FIP1L1: variants seen among roughly 807,000 people sequenced by gnomAD.
The protein encoded by FIP1L1 is factor interacting with PAPOLA and CPSF1.
FIP1L1 carries 21 observed loss-of-function variants against 84.6 expected under a neutral mutation model. The observed-to-expected ratio is 0.25, with a 90% confidence interval of 0.18 to 0.36. FIP1L1 has a LOEUF of 0.36. Among genes scored for constraint, FIP1L1 ranks in the 10% least tolerant of loss-of-function variants. FIP1L1 has a pLI of 1.00. For missense variants in FIP1L1, 526 were observed against 751.1 expected (o/e 0.70, Z 3.50); for synonymous variants, 263 against 242.3 (o/e 1.09, Z -0.80).
intron 10 of FIP1L1, among the ~76,000 whole-genome samples, chr4:53,402,184 T>C (rs546856432): frequency 5.1e-4 from 77 of 152,330 alleles, no homozygotes; most frequent in African/African-American, 1.4e-3. Flanking sequence ...TTGGATTTTA[T>C]TGATGGTCAT....
intron 10 of FIP1L1, among the ~76,000 whole-genome samples, chr4:53,406,680 T>C (rs1374134992): frequency 6.6e-6 from 1 of 152,204 alleles, no homozygotes; most frequent in Non-Finnish European, 1.5e-5. Context: ...ATTGCCACAA[T>C]TTCAGAGCCT....
chr4:53,397,761 G>T (rs1025621122), intron 9 of FIP1L1, among the ~76,000 whole-genome samples: 6 of 152,192 alleles, frequency 3.9e-5, no homozygotes, highest in African/African-American at 1.4e-4. Flanking sequence ...GACATATTGG[G>T]TGTTCATATG....
intron 13 of FIP1L1, among the ~76,000 whole-genome samples, chr4:53,431,978 A>G (rs536422479): frequency 6.6e-6 from 1 of 152,316 alleles, no homozygotes; most frequent in African/African-American, 2.4e-5. Flanking sequence ...ATTTCTGGCC[A>G]TAATAGATTT....
rs114652985 is a variant in FIP1L1 at position 53,416,468 on chromosome 4, A to C, written c.923+1746A>C. On this transcript the variant is annotated intron_variant, in intron 11 of 17. Transcript: ENST00000337488. ...TGGAGCTAGACTGTGTAATTCGGAAAGCCTCTTCAAACCTGAAACTCTTTA... is the reference window on the plus strand; with the variant it reads ...TGGAGCTAGACTGTGTAATTCGGAACGCCTCTTCAAACCTGAAACTCTTTA... Among the ~76,000 whole-genome samples, 147 of 152,352 alleles carry C rather than the reference A, an allele frequency of 9.6e-4. 1 individual carries two copies. The highest frequency in any genetic ancestry group is 3.5e-3 in the African/African-American group (144 of 41,580).
chr4:53,404,660 C>G (rs1752223550), intron 10 of FIP1L1, among the ~76,000 whole-genome samples: 1 of 151,930 alleles, frequency 6.6e-6, no homozygotes, highest in Non-Finnish European at 1.5e-5. Flanking sequence ...TCTCCACATC[C>G]TCTCCAGCAC....
intron 3 of FIP1L1, 44 bp from the exon 4 acceptor site, chr4:53,382,234 G>A (rs369457633): frequency 5.3e-5 from 75 of 1,415,156 alleles, no homozygotes; most frequent in African/African-American, 4.2e-4. Context: ...CTGTACTTCC[G>A]AAAAGTAATG....
intron 10 of FIP1L1, among the ~76,000 whole-genome samples, chr4:53,410,315 A>G (rs1315689960): frequency 6.6e-6 from 1 of 152,236 alleles, no homozygotes; most frequent in Non-Finnish European, 1.5e-5. Flanking sequence ...AATGCCTAAC[A>G]ACTGTAGAAT....
intron 13 of FIP1L1, among the ~76,000 whole-genome samples, chr4:53,429,558 G>A (rs1401290869): frequency 6.6e-6 from 1 of 152,078 alleles, no homozygotes; most frequent in East Asian, 1.9e-4. Flanking sequence ...TTTGATTAAT[G>A]ATACTAAAAA....
chr4:53,453,157 A>G, intron 16 of FIP1L1, 24 bp downstream of exon 16: 4 of 1,609,354 alleles, frequency 2.5e-6, no homozygotes, highest in Non-Finnish European at 3.4e-6. Flanking sequence ...GCAGGAGTTT[A>G]TACTATGTAT....
At chr4:53,456,396 G>A (rs1718951628) in intron 16 of FIP1L1, among the ~76,000 whole-genome samples, 1 of 152,106 alleles carries the variant, frequency 6.6e-6, no homozygotes, top group East Asian at 1.9e-4. Context: ...AGGGCATTAG[G>A]AGTCAATGTT....
Position 53,379,077 on chromosome 4 carries a change from A to G in FIP1L1, c.90A>G (p.Pro30=). 6.2e-7 allele frequency: 1 copy of G among 1,614,066 alleles called. No individual in the cohort carries two copies. The highest frequency in any genetic ancestry group is 1.1e-5 in the South Asian group (1 of 91,044). Residue 30 remains proline (P), a synonymous_variant, in exon 2 of 18, where the codon CCA becomes CCG. Coordinates refer to ENST00000337488, the MANE Select transcript of FIP1L1 (RefSeq NM_030917.4). The stretch of plus-strand genomic sequence containing the variant: ...TAACTTTGGATGTGCTTATAGGCCC[A>G]TGGGACGTGCATGTGCACAGTGATT... ...DEEEEWLYGG[P]WDVHVHSDLA...
chr4:53,390,721 C>A, intron 7 of FIP1L1, 93 bp downstream of exon 7: 1 of 764,536 alleles, frequency 1.3e-6, no homozygotes. Context: ...TTTATTTTTT[C>A]ATTATAATTT....
At chr4:53,409,644 C>T (rs1755989367) in intron 10 of FIP1L1, among the ~76,000 whole-genome samples, 1 of 152,230 alleles carries the variant, frequency 6.6e-6, no homozygotes, top group Non-Finnish European at 1.5e-5. Context: ...GGGCTCCACC[C>T]AGTTGGAGTT....
At chr4:53,397,344 A>G (rs2149460630) in intron 9 of FIP1L1, among the ~76,000 whole-genome samples, 1 of 152,250 alleles carries the variant, frequency 6.6e-6, no homozygotes. Context: ...GGCTAGAGAG[A>G]TCAGTGATCA....
At chr4:53,444,242 TATGTATCTGCC>T in intron 15 of FIP1L1, 139 bp downstream of exon 15, 1 of 541,564 alleles carries the variant, frequency 1.8e-6, no homozygotes, top group East Asian at 3.0e-5. Context: ...ATGAGTGGTC[TATGTATCTGCC>T]AGGTTAGCAA....
intron 13 of FIP1L1, among the ~76,000 whole-genome samples, chr4:53,436,181 AC>A (rs747105099): frequency 2.0e-5 from 3 of 152,104 alleles, no homozygotes; most frequent in Non-Finnish European, 2.9e-5. Flanking sequence ...ATAACAAGTT[AC>A]TCCAGAATGT....
At chr4:53,450,965 T>C (rs1395167136) in intron 15 of FIP1L1, among the ~76,000 whole-genome samples, 2 of 142,548 alleles carry the variant, frequency 1.4e-5, no homozygotes, top group Non-Finnish European at 3.0e-5. Context: ...AAGCTACTCT[T>C]TTTTTTTTTT....
At chr4:53,409,423 C>G (rs535227815) in intron 10 of FIP1L1, among the ~76,000 whole-genome samples, 38 of 152,294 alleles carry the variant, frequency 2.5e-4, no homozygotes, top group South Asian at 1.0e-3. Context: ...GTGTCTCCCA[C>G]TTAGACTGCT....
chr4:53,406,601 T>A (rs1318781273), intron 10 of FIP1L1, among the ~76,000 whole-genome samples: 2 of 152,230 alleles, frequency 1.3e-5, no homozygotes, highest in African/African-American at 4.8e-5. Flanking sequence ...TTCCTCCTTG[T>A]ACCTCTGGTA....
Sources: allele counts gnomAD v4.1 joint callset (sites outside exome capture counted in the v4.1 genomes callset), GRCh38; gene constraint gnomAD v4.1.1; transcripts MANE v1.5; gene names NCBI Gene and HGNC (gene_info 2026-07-23, HGNC 2026-07-21).